The following TWIST2 variants were observed in gnomAD, a reference collection of about 807,000 sequenced individuals.
TWIST2 encodes twist family bHLH transcription factor 2.
A neutral mutation model predicts 11.6 loss-of-function variants in TWIST2; 1 was observed. That is an observed-to-expected ratio of 0.09 (90% CI 0.03 to 0.41). The LOEUF (loss-of-function observed/expected upper bound fraction) is 0.41, where lower values mean the gene tolerates loss of function less well. TWIST2 is among the 10% of genes least tolerant of loss of function. The pLI, the probability that TWIST2 is intolerant of heterozygous loss-of-function variation, is 0.98. For synonymous variants in TWIST2, 87 were observed against 96.6 expected (o/e 0.90, Z 0.58); for missense variants, 168 against 226.4 (o/e 0.74, Z 1.66).
At chr2:238,850,532 T>C (rs959701181) in intron 1 of TWIST2, among the ~76,000 whole-genome samples, 1 of 152,142 alleles carries the variant, frequency 6.6e-6, no homozygotes, top group African/African-American at 2.4e-5. Context: ...CTCCAGAAAA[T>C]TACTGAAAAC....
chr2:238,877,581 A>G (rs1692829908), intron 1 of TWIST2, among the ~76,000 whole-genome samples: 1 of 152,194 alleles, frequency 6.6e-6, no homozygotes, highest in Non-Finnish European at 1.5e-5. Flanking sequence ...ATTCACACAA[A>G]CAAAAATATT....
At chr2:238,880,069 G>A (rs1692880442) in intron 1 of TWIST2, among the ~76,000 whole-genome samples, 1 of 152,212 alleles carries the variant, frequency 6.6e-6, no homozygotes, top group African/African-American at 2.4e-5. Context: ...GTTAGTATTA[G>A]TGTTGGTGTT....
At position 238,864,312 on chromosome 2, in the gene TWIST2, C is replaced by T. The variant is rs1692491639; in HGVS notation, c.*35+15579C>T. On this transcript the variant is annotated intron_variant, in intron 1 of 1. Transcript: ENST00000612363. This position sits in a 1 kb window ranked among gnomAD's most constrained non-coding sequence, Gnocchi z 4.7. ...GATCCTCAGTTCGAAGACACAGATGCTCACTGCTGTAGAGACATAAAGAAA... is the reference window on the plus strand; with the variant it reads ...GATCCTCAGTTCGAAGACACAGATGTTCACTGCTGTAGAGACATAAAGAAA... Among the ~76,000 whole-genome samples, 1 of 152,230 alleles carries T rather than the reference C, an allele frequency of 6.6e-6. No individual in the cohort carries two copies. Among genetic ancestry groups the T allele is most frequent in the Non-Finnish European group, 1.5e-5 (1 of 68,034 alleles).
At chr2:238,870,150 A>C (rs1157386498) in intron 1 of TWIST2, among the ~76,000 whole-genome samples, 197 of 112,506 alleles carry the variant, frequency 1.8e-3, no homozygotes, top group African/African-American at 7.7e-3. Flanking sequence ...CCCCATACAC[A>C]CCACACCCCA....
intron 1 of TWIST2, among the ~76,000 whole-genome samples, chr2:238,849,323 G>A (rs370018042): frequency 1.3e-5 from 2 of 152,214 alleles, no homozygotes; most frequent in East Asian, 1.9e-4. Flanking sequence ...GCGGGCCTGC[G>A]GCTCCAGGGT....
chr2:238,880,329 ATTAGTGTTAGTGTCAG>A (rs1692893506), intron 1 of TWIST2, among the ~76,000 whole-genome samples: 1 of 134,634 alleles, frequency 7.4e-6, no homozygotes, highest in East Asian at 2.8e-4. Flanking sequence ...ATTTATTATT[ATTAGTGTTAGTGTCAG>A]TATTAGTGTT....
At chr2:238,853,917 G>A (rs1054394225) in intron 1 of TWIST2, among the ~76,000 whole-genome samples, 1 of 152,218 alleles carries the variant, frequency 6.6e-6, no homozygotes, top group Admixed American at 6.5e-5. Context: ...GAGAGAGCGC[G>A]GCTGCGTGAG....
chr2:238,900,102 T>C (rs943230980), intron 1 of TWIST2, among the ~76,000 whole-genome samples: 6 of 152,276 alleles, frequency 3.9e-5, no homozygotes, highest in South Asian at 2.1e-4. Flanking sequence ...AACAAGCGGG[T>C]TTGTTATTCT....
chr2:238,868,519 T>C (rs1692585812), intron 1 of TWIST2, among the ~76,000 whole-genome samples: 1 of 152,154 alleles, frequency 6.6e-6, no homozygotes, highest in Non-Finnish European at 1.5e-5. Context: ...CCCAGTCTCC[T>C]CCCATTCCAC....
intron 1 of TWIST2, among the ~76,000 whole-genome samples, chr2:238,876,601 T>C (rs1004231527): frequency 1.1e-4 from 17 of 152,222 alleles, no homozygotes; most frequent in Admixed American, 9.2e-4. Context: ...GGAGAAACTC[T>C]CTCTCAGTAG....
chr2:238,888,109 C>T (rs1172181074), intron 1 of TWIST2, among the ~76,000 whole-genome samples: 1 of 152,186 alleles, frequency 6.6e-6, no homozygotes, highest in East Asian at 1.9e-4. Flanking sequence ...CAAGGTGTAA[C>T]CATAGCTTCA....
intron 1 of TWIST2, among the ~76,000 whole-genome samples, chr2:238,893,758 T>G (rs1016332527): frequency 1.6e-4 from 25 of 152,320 alleles, no homozygotes; most frequent in Non-Finnish European, 3.1e-4. Flanking sequence ...TCTGGCACTT[T>G]CGCTGTCCCA....
At chr2:238,853,476 AG>A in intron 1 of TWIST2, among the ~76,000 whole-genome samples, 1 of 151,708 alleles carries the variant, frequency 6.6e-6, no homozygotes, top group African/African-American at 2.4e-5. Context: ...AGAGAGAGAG[AG>A]AGAAACTCAA....
intron 1 of TWIST2, among the ~76,000 whole-genome samples, chr2:238,879,405 A>G (rs1398593739): frequency 6.6e-6 from 1 of 152,050 alleles, no homozygotes; most frequent in Non-Finnish European, 1.5e-5. Flanking sequence ...TCACTCCCAA[A>G]GCTTCTCATT....
At chr2:238,870,459 CACACACCCG>C (rs1692650872) in intron 1 of TWIST2, among the ~76,000 whole-genome samples, 1 of 103,338 alleles carries the variant, frequency 9.7e-6, no homozygotes, top group African/African-American at 3.7e-5. Flanking sequence ...CCACACACAC[CACACACCCG>C]ACACACGCCA....
rs1046693251 is a variant in TWIST2, at chr2:238,864,684, C to T, written c.*35+15951C>T. 1.3e-5 allele frequency among the ~76,000 whole-genome samples: 2 copies of T among 152,154 alleles called. No homozygotes were observed. Among genetic ancestry groups the T allele is most frequent in the African/African-American group, 2.4e-5 (1 of 41,442 alleles). Reference sequence around the variant, plus strand: ...AAGAGGAGGTGGGAGGGTGCGGGGCCGTGGCTTGCTCTGTGGGGACACTGC... The same window carrying T: ...AAGAGGAGGTGGGAGGGTGCGGGGCTGTGGCTTGCTCTGTGGGGACACTGC... On this transcript the variant is annotated intron_variant, in intron 1 of 1. Transcript: ENST00000612363. This position sits in a 1 kb window ranked among gnomAD's most constrained non-coding sequence, Gnocchi z 4.7.
Position 238,864,700 on chromosome 2 carries a change from G to C in TWIST2, c.*35+15967G>C, listed in dbSNP as rs753990256. ...GTGCGGGGCCGTGGCTTGCTCTGTGGGGACACTGCCCTGGGGTCCACCCTG... is the reference window on the plus strand; with the variant it reads ...GTGCGGGGCCGTGGCTTGCTCTGTGCGGACACTGCCCTGGGGTCCACCCTG... On this transcript the variant is annotated intron_variant, in intron 1 of 1. Coordinates refer to ENST00000612363, the MANE Select transcript of TWIST2 (RefSeq NM_001271893.4). The surrounding 1 kb of genome is among the most constrained non-coding windows in gnomAD (Gnocchi z 4.7). Among the ~76,000 whole-genome samples the C allele has an allele frequency of 3.9e-5, 6 of 152,180 alleles. No individual in the cohort carries two copies. Among genetic ancestry groups the C allele is most frequent in the Non-Finnish European group, 8.8e-5 (6 of 68,014 alleles).
rs1319884795 is a variant in TWIST2, at chr2:238,864,070, C to T, written c.*35+15337C>T. Among the ~76,000 whole-genome samples, 1 of 152,194 alleles carries T rather than the reference C, an allele frequency of 6.6e-6. No individual in the cohort carries two copies. The highest frequency in any genetic ancestry group is 1.5e-5 in the Non-Finnish European group (1 of 68,030). On this transcript the variant is annotated intron_variant, in intron 1 of 1. Transcript: ENST00000612363. This position sits in a 1 kb window ranked among gnomAD's most constrained non-coding sequence, Gnocchi z 4.7. ...CGTTAAGCCTGTCTTCCTTTACACC[C>T]TGGGCTACATTTGACGCATATTTCT... is the stretch of plus-strand genomic sequence containing the variant.
chr2:238,862,369 C>G (rs950949522), intron 1 of TWIST2, among the ~76,000 whole-genome samples: 5 of 151,742 alleles, frequency 3.3e-5, no homozygotes, highest in Admixed American at 3.3e-4. Flanking sequence ...AGAAAAAGGG[C>G]CTTTAAAAAA....
Sources: gnomAD v4.1 joint callset for allele counts (sites outside exome capture counted in the v4.1 genomes callset) on GRCh38, gnomAD v4.1.1 for gene constraint, Gnocchi (gnomAD v3.1) non-coding constraint, MANE v1.5 for transcripts, NCBI Gene and HGNC (gene_info 2026-07-23, HGNC 2026-07-21) for gene names.